The following ENDOV variants were observed in gnomAD, a reference collection of about 807,000 sequenced individuals.
The protein encoded by ENDOV is hEndoV.
ENDOV carries 37 observed loss-of-function variants against 39.4 expected under a neutral mutation model. The ratio of observed to expected loss-of-function variants is 0.94; its 90% CI spans 0.72 to 1.23. The LOEUF (loss-of-function observed/expected upper bound fraction) is 1.23. Among genes scored for constraint, ENDOV ranks in the 50% most tolerant of loss-of-function variants. ENDOV has a pLI of 0.00. For synonymous variants in ENDOV, 186 were observed against 163.4 expected (o/e 1.14, Z -1.05); for missense variants, 441 against 375.7 (o/e 1.17, Z -1.44).
At chr17:80,430,235 C>T (rs756899675) in intron 9 of ENDOV, 22 of 1,470,888 alleles carry the variant, frequency 1.5e-5, no homozygotes, top group Middle Eastern at 1.8e-4. Flanking sequence ...GCGCATGAGA[C>T]GCTTTCCCGG....
At chr17:80,431,135 G>A (rs1309581235) in intron 9 of ENDOV, among the ~76,000 whole-genome samples, 2 of 152,214 alleles carry the variant, frequency 1.3e-5, no homozygotes, top group African/African-American at 2.4e-5. Context: ...TGATTTGACA[G>A]CTTGGGACAA....
chr17:80,422,282 G>A (rs1447229326), intron 4 of ENDOV, 37 bp downstream of exon 4: 2 of 1,610,814 alleles, frequency 1.2e-6, no homozygotes, highest in East Asian at 4.5e-5. Context: ...AGGGCACTGT[G>A]GGGAAGAGCG....
chr17:80,421,510 C>T (rs1364802642), intron 2 of ENDOV, among the ~76,000 whole-genome samples: 2 of 143,096 alleles, frequency 1.4e-5, no homozygotes, highest in African/African-American at 5.3e-5. Flanking sequence ...CTGCTATGGA[C>T]CAGGTCCCGG....
chr17:80,415,657 G>C lies in ENDOV; in HGVS notation c.64G>C (p.Ala22Pro). The C allele has an allele frequency of 6.2e-7, 1 of 1,612,364 alleles. No individual in the cohort carries two copies. The highest frequency in any genetic ancestry group is 8.5e-7 in the Non-Finnish European group (1 of 1,179,272). The stretch of plus-strand genomic sequence containing the variant: ...ACGCTTCTGTCCTCCTAGGGAGCAA[G>C]CTCGGCTGAAGGCCCACGTCGTAGA... ...ETLSLWKREQ[A>P]RLKAHVVDRD... is the part of the protein sequence containing the mutation. The change falls in exon 2 of 10, where the codon GCT becomes CCT. Residue 22 changes from alanine to proline, a missense_variant. By Grantham distance (27) the Ala-to-Pro change is conservative. Transcript: ENST00000518137.
chr17:80,428,125 C>T (rs754387524), intron 7 of ENDOV, among the ~76,000 whole-genome samples: 88 of 152,252 alleles, frequency 5.8e-4, no homozygotes, highest in Admixed American at 1.3e-4. Flanking sequence ...CTTGGTGATT[C>T]TGGAGACGGG....
At position 80,425,570 on chromosome 17, in the gene ENDOV, C is replaced by A. The variant is rs764178841; in HGVS notation, c.664C>A (p.Arg222Ser). ...GHRMSLEAAV[R>S]LTCCCCRFRI... ...CAGGATGAGCCTGGAGGCCGCTGTG[C>A]GCCTGACTTGCTGCTGCTGCAGGTT... Residue 222 changes from arginine to serine, a missense_variant, in exon 7 of 10, where the codon CGC (arginine) becomes AGC (serine). By Grantham distance (110) the Arg-to-Ser change is moderately radical. Transcript: ENST00000518137. The A allele has an allele frequency of 6.3e-7, 1 of 1,592,140 alleles. No individual in the cohort carries two copies. The highest frequency in any genetic ancestry group is 8.5e-7 in the Non-Finnish European group (1 of 1,173,464).
At chr17:80,433,127 G>A (rs558387950) in intron 9 of ENDOV, 47 of 520,132 alleles carry the variant, frequency 9.0e-5, no homozygotes, top group Admixed American at 4.1e-4. Flanking sequence ...GAGCACAGGT[G>A]GCAGGGAATT....
At chr17:80,419,170 CAAAA>C (rs67490024) in intron 2 of ENDOV, among the ~76,000 whole-genome samples, 3 of 103,508 alleles carry the variant, frequency 2.9e-5, no homozygotes, top group Non-Finnish European at 1.9e-5. Context: ...AGGACTCTGT[CAAAA>C]AAAAAAAAAA....
At chr17:80,429,597 C>T (rs558187197) in intron 8 of ENDOV, among the ~76,000 whole-genome samples, 176 bp from the exon 9 acceptor site, 1 of 152,330 alleles carries the variant, frequency 6.6e-6, no homozygotes, top group Admixed American at 6.5e-5. Context: ...GAGGCCGGCC[C>T]GCTTGAATGC....
At chr17:80,415,287 G>C in intron 1 of ENDOV, 37 bp downstream of exon 1, 2 of 1,609,322 alleles carry the variant, frequency 1.2e-6, no homozygotes, top group Non-Finnish European at 1.7e-6. Flanking sequence ...GGCGGGGGCC[G>C]AGGCCGGGCG....
rs1408012035 is a variant in ENDOV, at chr17:80,436,468, T to C, written c.*325T>C. The C allele has an allele frequency of 1.1e-6, 1 of 918,408 alleles. No individual in the cohort carries two copies. The highest frequency in any genetic ancestry group is 1.7e-5 in the South Asian group (1 of 57,296). The allele number at this position is 918,408 out of a possible 1,614,324, so 56.9% of individuals were successfully genotyped here. A position where few individuals can be genotyped will look rare whatever the true frequency, so the allele number is the denominator to read the frequency against. On this transcript the variant is annotated 3_prime_UTR_variant, in exon 10 of 10. Coordinates refer to ENST00000518137, the MANE Select transcript of ENDOV (RefSeq NM_173627.5). Reference sequence around the variant, plus strand: ...TCCCTTCTAGTCCTAATTTGTTAAGTGTTTTTATCCTTAAAGGGTACTGGA... The same window carrying C: ...TCCCTTCTAGTCCTAATTTGTTAAGCGTTTTTATCCTTAAAGGGTACTGGA...
At chr17:80,429,686 G>A (rs553955100) in intron 8 of ENDOV, 87 bp from the exon 9 acceptor site, 56 of 1,312,790 alleles carry the variant, frequency 4.3e-5, no homozygotes, top group Non-Finnish European at 5.8e-5. Flanking sequence ...CAGGCCAAGC[G>A]CAGTTCCCAG....
intron 5 of ENDOV, 197 bp downstream of exon 5, chr17:80,423,829 C>A: frequency 1.7e-6 from 1 of 583,752 alleles, no homozygotes; most frequent in Non-Finnish European, 3.0e-6. Context: ...GCGCTCTGAG[C>A]TCCTCTCCTG....
intron 4 of ENDOV, among the ~76,000 whole-genome samples, chr17:80,422,531 G>A (rs41298720): frequency 0.017 from 2,611 of 152,338 alleles, 74 homozygotes; most frequent in African/African-American, 0.059. Flanking sequence ...CCACTATCCA[G>A]TTCTGACCTG....
rs41301918 is a variant in ENDOV at position 80,432,583 on chromosome 17, C to A, written c.838+2752C>A. Among the ~76,000 whole-genome samples, 10 of 152,204 alleles carry A rather than the reference C, an allele frequency of 6.6e-5. No individual in the cohort carries two copies. The East Asian group carries it at 1.5e-3, about 24-fold the overall frequency. On this transcript the variant is annotated intron_variant, in intron 9 of 9. Coordinates refer to ENST00000518137, the MANE Select transcript of ENDOV (RefSeq NM_173627.5). Reference sequence around the variant, plus strand: ...GAGGCAGAGGTCCCGTGTCATTGCCCGTGAGTCCGGGGCTTAGGCACCGCT... The same window carrying A: ...GAGGCAGAGGTCCCGTGTCATTGCCAGTGAGTCCGGGGCTTAGGCACCGCT...
chr17:80,428,300 G>A (rs937715073), intron 7 of ENDOV: 2 of 442,298 alleles, frequency 4.5e-6, no homozygotes, highest in African/African-American at 2.0e-5. Flanking sequence ...CACTGGTGGG[G>A]AGGAGACCCA....
rs565723786 is a variant in ENDOV, at chr17:80,421,947, G to A, written c.348G>A (p.Pro116=). 3.1e-5 allele frequency: 50 copies of A among 1,609,354 alleles called. No homozygotes were observed. Among genetic ancestry groups the A allele is most frequent in the African/African-American group, 1.6e-4 (12 of 74,994 alleles). ...ELVQQLREKE[P]GLMPQVLLVD... ...TGCAGCAGCTGCGGGAGAAGGAGCC[G>A]GGCCTCATGCCCCAGGCAGGTGTCT... The change falls in exon 3 of 10, where the codon CCG becomes CCA. Residue 116 remains proline (P), a synonymous_variant. Transcript: ENST00000518137.
chr17:80,422,167 G>T, intron 3 of ENDOV, 39 bp from the exon 4 acceptor site: 1 of 1,612,962 alleles, frequency 6.2e-7, no homozygotes, highest in African/African-American at 1.3e-5. Flanking sequence ...GGGCCGAGGG[G>T]CAGCTCAGCT....
intron 8 of ENDOV, among the ~76,000 whole-genome samples, chr17:80,429,124 C>T (rs1295988360): frequency 6.6e-6 from 1 of 152,222 alleles, no homozygotes; most frequent in Non-Finnish European, 1.5e-5. Flanking sequence ...CCCACTGGTT[C>T]TTGTAAGTTA....
Sources: allele counts gnomAD v4.1 joint callset (sites outside exome capture counted in the v4.1 genomes callset), GRCh38; gene constraint gnomAD v4.1.1; transcripts MANE v1.5; gene names NCBI Gene and HGNC (gene_info 2026-07-23, HGNC 2026-07-21).